ABCC5: variants seen among roughly 807,000 people sequenced by gnomAD.
ABCC5 encodes the protein ATP-binding cassette sub-family C member 5.
Under a neutral mutation model 160.9 loss-of-function variants are expected in ABCC5, and 61 were observed. The ratio of observed to expected loss-of-function variants is 0.38; its 90% confidence interval spans 0.31 to 0.47. ABCC5 has a LOEUF of 0.47. Ranked by LOEUF, ABCC5 falls within the 20% of genes least tolerant of loss-of-function variation. ABCC5 has a pLI of 0.99. For missense variants in ABCC5, 1,308 were observed against 1,813.3 expected (o/e 0.72, Z 5.06); for synonymous variants, 666 against 700.6 (o/e 0.95, Z 0.78).
At chr3:183,962,669 T>G (rs1200088067) in intron 15 of ABCC5, among the ~76,000 whole-genome samples, 1 of 151,976 alleles carries the variant, frequency 6.6e-6, no homozygotes, top group Non-Finnish European at 1.5e-5. Flanking sequence ...GTAGCTGGGA[T>G]TGCAGGCACG....
rs1457337845 is a variant in ABCC5, at chr3:183,949,384, C to T, written c.3227+369G>A. Reference sequence around the variant, plus strand: ...AAATATAGCTTTTCAGGGCCAAGGCCAATAGACTCCTAATCTGTGGGGTTT... The same window carrying T: ...AAATATAGCTTTTCAGGGCCAAGGCTAATAGACTCCTAATCTGTGGGGTTT... On this transcript the variant is annotated intron_variant, in intron 22 of 29. Transcript: ENST00000334444. This position sits in a 1 kb window ranked among gnomAD's most constrained non-coding sequence, Gnocchi z 4.2. Among the ~76,000 whole-genome samples, 1 of 152,192 alleles carries T rather than the reference C, an allele frequency of 6.6e-6. No individual in the cohort carries two copies. The highest frequency in any genetic ancestry group is 1.5e-5 in the Non-Finnish European group (1 of 68,030).
chr3:183,997,974 G>T (rs1015941180), intron 2 of ABCC5, among the ~76,000 whole-genome samples: 1 of 151,890 alleles, frequency 6.6e-6, no homozygotes, highest in Admixed American at 6.6e-5. Context: ...TTGTAGAGAC[G>T]GGTTCTTACT....
chr3:183,942,810 T>C lies in ABCC5; in HGVS notation c.3611A>G (p.Glu1204Gly), dbSNP rs1363595210. The change falls in exon 25 of 30, where the codon GAA becomes GGA. Residue 1204 changes from glutamate to glycine, a missense_variant. Physicochemically the swap from Glu to Gly is moderately conservative, Grantham distance 98. Coordinates refer to ENST00000334444, the MANE Select transcript of ABCC5 (RefSeq NM_005688.4). Reference protein sequence around the residue: ...TFENAEMRYRENLPLVLKKVS... With the variant: ...TFENAEMRYRGNLPLVLKKVS... The stretch of plus-strand genomic sequence containing the variant: ...TTTCTTTAGGACGAGAGGGAGGTTT[T>C]CTCGGTACCTCATCTCTGCGTTCTC... The C allele has an allele frequency of 6.2e-7, 1 of 1,614,150 alleles. No individual in the cohort carries two copies. Among genetic ancestry groups the C allele is most frequent in the Non-Finnish European group, 8.5e-7 (1 of 1,180,014 alleles).
chr3:183,936,788 G>A (rs764416791), intron 26 of ABCC5, among the ~76,000 whole-genome samples: 6 of 152,212 alleles, frequency 3.9e-5, no homozygotes, highest in African/African-American at 9.6e-5. Context: ...GATTACAGGC[G>A]TGAGCCACCG....
intron 2 of ABCC5, among the ~76,000 whole-genome samples, chr3:183,991,689 C>G (rs1719781381): frequency 6.6e-6 from 1 of 152,204 alleles, no homozygotes; most frequent in Non-Finnish European, 1.5e-5. Flanking sequence ...TGACAGGAGT[C>G]AACAACAAGA....
At chr3:183,927,522 G>T (rs1052644189) in intron 27 of ABCC5, 79 bp from the exon 28 acceptor site, 2 of 1,522,880 alleles carry the variant, frequency 1.3e-6, no homozygotes, top group East Asian at 5.1e-5. Flanking sequence ...AGAAAGAAAT[G>T]ATTCTGAAAG....
chr3:184,016,407 C>T (rs2108942147), intron 1 of ABCC5, among the ~76,000 whole-genome samples: 1 of 152,236 alleles, frequency 6.6e-6, no homozygotes, highest in East Asian at 1.9e-4. Flanking sequence ...AACATAAGGA[C>T]ACCATCGTCT....
intron 2 of ABCC5, 68 bp from the exon 3 acceptor site, chr3:183,989,451 A>T (rs2108870210): frequency 6.5e-7 from 1 of 1,541,942 alleles, no homozygotes; most frequent in Non-Finnish European, 8.8e-7. Context: ...AACGGAACTG[A>T]TGAAACAGCT....
chr3:183,945,847 G>T lies in ABCC5; in HGVS notation c.3504+3C>A. 1.2e-6 allele frequency: 2 copies of T among 1,613,470 alleles called. No homozygotes were observed. Among genetic ancestry groups the T allele is most frequent in the South Asian group, 2.2e-5 (2 of 91,036 alleles). On this transcript the variant is annotated splice_donor_region_variant and intron_variant, in intron 24 of 29. Transcript: ENST00000334444. ...CACGGTAAAAGGCCTACAGCAGTCT[G>T]ACCTTAATGTAGTGATTGATCCTCT...
At position 183,924,696 on chromosome 3, in the gene ABCC5, G is replaced by A. The variant is rs573245096; in HGVS notation, c.4212+859C>T. ...GCTGGGGCCCTAAAGATGAATGAGCGGTGACTCTGCCCTCAGAGAGCGTTC... is the reference window on the plus strand; with the variant it reads ...GCTGGGGCCCTAAAGATGAATGAGCAGTGACTCTGCCCTCAGAGAGCGTTC... On this transcript the variant is annotated intron_variant, in intron 29 of 29. Coordinates refer to ENST00000334444, the MANE Select transcript of ABCC5 (RefSeq NM_005688.4). 1.8e-4 allele frequency among the ~76,000 whole-genome samples: 28 copies of A among 152,248 alleles called. No individual in the cohort carries two copies. In the South Asian group the frequency reaches 5.0e-3, roughly 27 times the overall value.
chr3:183,949,903 T>C lies in ABCC5; in HGVS notation c.3099-22A>G. On this transcript the variant is annotated intron_variant, in intron 21 of 29. Transcript: ENST00000334444. The surrounding 1 kb of genome is among the most constrained non-coding windows in gnomAD (Gnocchi z 4.2). ...GACCCTGGAGAGAGAATGAGCTCCG[T>C]GTCACAGCACCTACCCAGCAACTGA... 6.2e-7 allele frequency: 1 copy of C among 1,614,186 alleles called. No individual in the cohort carries two copies. Among genetic ancestry groups the C allele is most frequent in the Non-Finnish European group, 8.5e-7 (1 of 1,180,014 alleles).
chr3:183,950,172 G>A, intron 20 of ABCC5, 47 bp from the exon 21 acceptor site: 2 of 1,559,532 alleles, frequency 1.3e-6, no homozygotes, highest in African/African-American at 1.4e-5. Context: ...TTGGAAAAAT[G>A]GAACTGAAAA....
At chr3:183,938,942 G>A (rs966688058) in intron 25 of ABCC5, among the ~76,000 whole-genome samples, 1 of 152,160 alleles carries the variant, frequency 6.6e-6, no homozygotes, top group Non-Finnish European at 1.5e-5. Context: ...AAGCAGGTTT[G>A]GGGGATCAGT....
At chr3:183,942,140 C>T (rs1010817443) in intron 25 of ABCC5, among the ~76,000 whole-genome samples, 16 of 151,776 alleles carry the variant, frequency 1.1e-4, no homozygotes, top group Non-Finnish European at 8.8e-5. Context: ...CCCAGGTTCA[C>T]GCCATTCTCC....
intron 27 of ABCC5, chr3:183,927,972 C>A (rs1712756239): frequency 3.9e-6 from 1 of 258,144 alleles, no homozygotes; most frequent in Non-Finnish European, 6.0e-6. Context: ...AGAAGCCTCA[C>A]CCTAGGCCAG....
chr3:183,982,487 C>G lies in ABCC5; in HGVS notation c.963G>C (p.Leu321=). The change falls in exon 7 of 30, where the codon CTG becomes CTC. Residue 321 remains leucine (L), a synonymous_variant. Coordinates refer to ENST00000334444, the MANE Select transcript of ABCC5 (RefSeq NM_005688.4). This position sits in a 1 kb window ranked among gnomAD's most constrained non-coding sequence, Gnocchi z 5.2. ...NVIILGPTGF[L]GSAVFILFYP... ...AAAAGAGGATAAAAACAGCTGATCCCAGGAAGCCTGTTGGTCCCAGAATAA... is the reference window on the plus strand; with the variant it reads ...AAAAGAGGATAAAAACAGCTGATCCGAGGAAGCCTGTTGGTCCCAGAATAA... 6.2e-7 allele frequency: 1 copy of G among 1,614,116 alleles called. No individual in the cohort carries two copies. The highest frequency in any genetic ancestry group is 8.5e-7 in the Non-Finnish European group (1 of 1,180,000).
chr3:183,987,479 C>T lies in ABCC5; in HGVS notation c.591+291G>A, dbSNP rs1719326513. 1 of 599,916 alleles carries T rather than the reference C, an allele frequency of 1.7e-6. No homozygotes were observed. The highest frequency in any genetic ancestry group is 2.8e-5 in the East Asian group (1 of 36,260). 37.2% of individuals were successfully genotyped at this position (599,916 alleles called of 1,614,324 possible). On this transcript the variant is annotated intron_variant, in intron 5 of 29. Coordinates refer to ENST00000334444, the MANE Select transcript of ABCC5 (RefSeq NM_005688.4). This position sits in a 1 kb window ranked among gnomAD's most constrained non-coding sequence, Gnocchi z 4.2. ...AGACACATCTGCCTGCACCGACTGT[C>T]AGTTCATGTTAACACACAACCGAGA...
intron 2 of ABCC5, chr3:184,009,821 A>G (rs1286680262): frequency 3.9e-6 from 1 of 253,832 alleles, no homozygotes; most frequent in Non-Finnish European, 8.1e-6. Flanking sequence ...GATTACAAGG[A>G]TACAGTAAAA....
At chr3:183,983,646 G>C (rs897711584) in intron 5 of ABCC5, 10 of 720,930 alleles carry the variant, frequency 1.4e-5, no homozygotes, top group African/African-American at 3.9e-5. Context: ...GAGGGAAGGC[G>C]GCCAGCCCCC....
Sources: gnomAD v4.1 joint callset for allele counts (sites outside exome capture counted in the v4.1 genomes callset) on GRCh38, gnomAD v4.1.1 for gene constraint, Gnocchi (gnomAD v3.1) non-coding constraint, MANE v1.5 for transcripts, NCBI Gene and HGNC (gene_info 2026-07-23, HGNC 2026-07-21) for gene names.